Variants in WWC1 observed in about 807,000 individuals in gnomAD.
WWC1 encodes the protein protein KIBRA.
WWC1 carries 55 observed loss-of-function variants against 138.4 expected under a neutral mutation model. The ratio of observed to expected loss-of-function variants is 0.40; its 90% CI spans 0.32 to 0.50. WWC1 has a LOEUF of 0.50. Among genes scored for constraint, WWC1 ranks in the 20% least tolerant of loss-of-function variants. WWC1 has a pLI of 0.72. For synonymous variants in WWC1, 524 were observed against 564.9 expected, an observed-to-expected ratio of 0.93 and a Z score of 1.03; for missense variants, 1,226 against 1,420.4, an observed-to-expected ratio of 0.86 and a Z score of 2.20.
At chr5:168,370,544 T>C (rs1478767546) in intron 1 of WWC1, among the ~76,000 whole-genome samples, 2 of 152,174 alleles carry the variant, frequency 1.3e-5, no homozygotes, top group Non-Finnish European at 2.9e-5. Context: ...TTGTAGAATA[T>C]GTATTTTAGG....
chr5:168,447,667 A>G (rs1438819220), intron 17 of WWC1, among the ~76,000 whole-genome samples: 5 of 151,922 alleles, frequency 3.3e-5, no homozygotes, highest in African/African-American at 1.2e-4. Flanking sequence ...CTTCTCTCTT[A>G]CTATTTTTTT....
chr5:168,332,652 A>G (rs1773130557), intron 1 of WWC1, among the ~76,000 whole-genome samples: 1 of 151,974 alleles, frequency 6.6e-6, no homozygotes, highest in African/African-American at 2.4e-5. Context: ...AGGAGGGAAA[A>G]GTTTCTTGTT....
intron 1 of WWC1, among the ~76,000 whole-genome samples, chr5:168,318,141 A>G (rs367573004): frequency 1.2e-3 from 177 of 152,210 alleles, no homozygotes; most frequent in African/African-American, 4.1e-3. Flanking sequence ...CAGATCATGG[A>G]AAGTCCACAA....
intron 20 of WWC1, 85 bp downstream of exon 20, chr5:168,460,827 T>G (rs1756742676): frequency 7.3e-7 from 1 of 1,366,080 alleles, no homozygotes; most frequent in Non-Finnish European, 1.0e-6. Flanking sequence ...CATCTCCTAA[T>G]GTCTGGCCAT....
intron 19 of WWC1, among the ~76,000 whole-genome samples, chr5:168,460,400 A>G (rs6886345): frequency 0.38 from 57,307 of 152,214 alleles, 11,670 homozygotes; most frequent in Middle Eastern, 0.52. Flanking sequence ...GAAAGGTTCA[A>G]TGGGATATTC....
Position 168,409,379 on chromosome 5 carries a change from A to G in WWC1, c.868-543A>G, listed in dbSNP as rs78270847. 4.4e-3 allele frequency among the ~76,000 whole-genome samples: 666 copies of G among 152,270 alleles called. 11 individuals carry two copies. Among genetic ancestry groups the G allele is most frequent in the African/African-American group, 0.015 (637 of 41,546 alleles). On this transcript the variant is annotated intron_variant, in intron 7 of 22. Transcript: ENST00000265293. ...GCTCTTAACAGACTAGCACAGAAAA[A>G]GAGGCTGTCCCTTCCTTCCCCATAC...
intron 22 of WWC1, 102 bp downstream of exon 22, chr5:168,468,066 C>A: frequency 6.5e-7 from 1 of 1,539,364 alleles, no homozygotes; most frequent in South Asian, 1.2e-5. Context: ...GCTCACAGAG[C>A]ACTGGCTTTC....
At chr5:168,449,163 G>C (rs12523021) in intron 17 of WWC1, among the ~76,000 whole-genome samples, 1 of 151,136 alleles carries the variant, frequency 6.6e-6, no homozygotes, top group Non-Finnish European at 1.5e-5. Context: ...ATTTTTTTCC[G>C]CTTTGCCACT....
intron 1 of WWC1, among the ~76,000 whole-genome samples, chr5:168,343,545 C>T (rs1044601475): frequency 9.9e-5 from 15 of 152,228 alleles, no homozygotes; most frequent in South Asian, 8.3e-4. Flanking sequence ...GAGTTGAGGC[C>T]GGGCGTGGTG....
chr5:168,355,583 C>T (rs535929399), intron 1 of WWC1, among the ~76,000 whole-genome samples: 1 of 150,404 alleles, frequency 6.6e-6, no homozygotes, highest in East Asian at 2.0e-4. Context: ...GGACAGGTAA[C>T]TGTCCCAGGC....
rs745922729 is a variant in WWC1 at position 168,414,585 on chromosome 5, G to A, written c.1179G>A (p.Thr393=). The part of the protein sequence containing the change: ...AARDTQSKAL[T]ERLKLNSKRN... ...GGGACACCCAGAGCAAGGCGCTGACGGAGAGGTGGGGCTGGGGCCCCAGGG... is the reference window on the plus strand; with the variant it reads ...GGGACACCCAGAGCAAGGCGCTGACAGAGAGGTGGGGCTGGGGCCCCAGGG... The change falls in exon 9 of 23, where the codon ACG becomes ACA. Residue 393 remains threonine (T), a synonymous_variant. Coordinates refer to ENST00000265293, the MANE Select transcript of WWC1 (RefSeq NM_015238.3). The A allele has an allele frequency of 2.1e-5, 33 of 1,551,074 alleles. No individual in the cohort carries two copies. Among genetic ancestry groups the A allele is most frequent in the Middle Eastern group, 2.2e-4 (1 of 4,634 alleles).
chr5:168,384,917 A>C (rs947141631), intron 2 of WWC1, among the ~76,000 whole-genome samples: 1 of 151,930 alleles, frequency 6.6e-6, no homozygotes, highest in Non-Finnish European at 1.5e-5. Flanking sequence ...GAGTTTTACC[A>C]TGTTGGCCAG....
At chr5:168,298,805 C>T (rs562489359) in intron 1 of WWC1, among the ~76,000 whole-genome samples, 4 of 152,144 alleles carry the variant, frequency 2.6e-5, no homozygotes, top group Admixed American at 6.5e-5. Context: ...AGTAACCGGC[C>T]GGGCGCAGTG....
intron 1 of WWC1, among the ~76,000 whole-genome samples, chr5:168,335,586 T>A (rs1046000003): frequency 2.0e-5 from 3 of 152,148 alleles, no homozygotes; most frequent in Non-Finnish European, 2.9e-5. Flanking sequence ...AGAAGAGGAA[T>A]TAGGACTAAA....
In WWC1 at chr5:168,414,477, C is replaced by G; in HGVS notation, c.1071C>G (p.Ile357Met). The G allele has an allele frequency of 6.4e-7, 1 of 1,564,558 alleles. No individual in the cohort carries two copies. The highest frequency in any genetic ancestry group is 2.4e-5 in the East Asian group (1 of 42,166). The stretch of plus-strand genomic sequence containing the variant: ...AGCTGCTGAAGGAGATGCGCTTCAT[C>G]AGCCCCCGCAAGTGGACCCAGGGGG... Reference protein sequence around the residue: ...KEELLKEMRFISPRKWTQGEV... With the variant: ...KEELLKEMRFMSPRKWTQGEV... The change falls in exon 9 of 23, where the codon ATC becomes ATG. Residue 357 changes from isoleucine to methionine, a missense_variant. Around this residue, in one of 3 missense-constraint regions of WWC1, gnomAD observed 1,016 missense variants for 1,153.9 expected, o/e 0.88. Transcript: ENST00000265293.
At chr5:168,354,649 G>A (rs555737654) in intron 1 of WWC1, among the ~76,000 whole-genome samples, 5 of 152,288 alleles carry the variant, frequency 3.3e-5, no homozygotes, top group African/African-American at 9.6e-5. Context: ...TGACTTGCCA[G>A]TCTAGACATC....
chr5:168,396,336 C>T (rs546118271), intron 3 of WWC1, among the ~76,000 whole-genome samples: 1 of 152,140 alleles, frequency 6.6e-6, no homozygotes, highest in Non-Finnish European at 1.5e-5. Context: ...TGAGCCAAGA[C>T]TGTGCCACTG....
At chr5:168,332,392 C>T (rs1345594367) in intron 1 of WWC1, among the ~76,000 whole-genome samples, 1 of 152,088 alleles carries the variant, frequency 6.6e-6, no homozygotes, top group Non-Finnish European at 1.5e-5. Flanking sequence ...GTAAGGAAAG[C>T]TTTGGGTCAT....
At chr5:168,371,628 C>T (rs2287702) in intron 2 of WWC1, 95 bp downstream of exon 2, 27,805 of 770,276 alleles carry the variant, frequency 0.036, 2,534 homozygotes, top group Admixed American at 0.23. Context: ...CACTTGCAGA[C>T]TCTTGGAGCC....
Sources: allele counts gnomAD v4.1 joint callset (sites outside exome capture counted in the v4.1 genomes callset), GRCh38; gene constraint gnomAD v4.1.1; regional missense constraint gnomAD v4.1.1; transcripts MANE v1.5; gene names NCBI Gene and HGNC (gene_info 2026-07-23, HGNC 2026-07-21).